GALNT13: variants seen among roughly 807,000 people sequenced by gnomAD.
The protein encoded by GALNT13 is UDP-GalNAc:polypeptide N-acetylgalactosaminyltransferase 13.
GALNT13 carries 28 observed loss-of-function variants against 64.2 expected under a neutral mutation model. The observed-to-expected ratio is 0.44, with a 90% CI of 0.32 to 0.60. The LOEUF (loss-of-function observed/expected upper bound fraction) is 0.60, where lower values mean the gene tolerates loss of function less well. GALNT13 is among the 20% of genes least tolerant of loss of function. GALNT13 has a pLI of 0.05. For missense variants in GALNT13, 577 were observed against 669.8 expected, an observed-to-expected ratio of 0.86 and a Z score of 1.53; for synonymous variants, 214 against 224.6, an observed-to-expected ratio of 0.95 and a Z score of 0.42.
At chr2:154,024,342 A>G (rs13016317) in intron 3 of GALNT13, among the ~76,000 whole-genome samples, 115,975 of 151,612 alleles carry the variant, frequency 0.76, 44,733 homozygotes, top group East Asian at 0.96. Flanking sequence ...CCAATCAGAC[A>G]TAGATTTGGT....
intron 4 of GALNT13, among the ~76,000 whole-genome samples, chr2:154,223,110 A>G (rs958310341): frequency 6.6e-6 from 1 of 152,200 alleles, no homozygotes; most frequent in Admixed American, 6.6e-5. Flanking sequence ...TTTAGCATAT[A>G]AAACTATAAA....
the GALNT13 span, among the ~76,000 whole-genome samples, chr2:153,575,460 T>A: frequency 2.0e-5 from 3 of 152,158 alleles, no homozygotes; most frequent in African/African-American, 7.2e-5. Flanking sequence ...TTCAAGGTGG[T>A]GAGTACCCCA....
the GALNT13 span, among the ~76,000 whole-genome samples, chr2:153,814,743 C>T: frequency 2.0e-5 from 3 of 152,204 alleles, no homozygotes; most frequent in African/African-American, 7.2e-5. Flanking sequence ...GATGCTCCCT[C>T]CAGCCGTTTC....
At chr2:153,387,660 T>C in the GALNT13 span, among the ~76,000 whole-genome samples, 331 of 152,230 alleles carry the variant, frequency 2.2e-3, 2 homozygotes, top group African/African-American at 7.5e-3. Context: ...TTATTTTTAC[T>C]TATAGGAATA....
At chr2:153,199,993 CTTATAT>C in the GALNT13 span, among the ~76,000 whole-genome samples, 1 of 152,112 alleles carries the variant, frequency 6.6e-6, no homozygotes, top group South Asian at 2.1e-4. Flanking sequence ...TCTCAGGAGT[CTTATAT>C]TTTTAGTAAA....
intron 4 of GALNT13, among the ~76,000 whole-genome samples, chr2:154,238,400 A>C (rs566340014): frequency 1.3e-5 from 2 of 152,072 alleles, no homozygotes; most frequent in Non-Finnish European, 2.9e-5. Flanking sequence ...TGTAAGCTCT[A>C]TTTAAGTATT....
chr2:153,096,447 A>G, the GALNT13 span, among the ~76,000 whole-genome samples: 1 of 152,222 alleles, frequency 6.6e-6, no homozygotes, highest in East Asian at 1.9e-4. Context: ...AGATCTGTCC[A>G]GTGCTGAAAG....
intron 3 of GALNT13, among the ~76,000 whole-genome samples, chr2:154,056,327 C>T (rs1211444764): frequency 6.6e-6 from 1 of 152,032 alleles, no homozygotes; most frequent in Non-Finnish European, 1.5e-5. Context: ...TAATATTAGA[C>T]ATCTAGACTT....
In GALNT13 at chr2:154,190,389, C is replaced by A. The variant is rs978975877; in HGVS notation, c.311+49884C>A. ...AGGTATGTAGCTCTCCTTAGAATCA[C>A]AGCACTATGTGATTAACATGCTGGG... On this transcript the variant is annotated intron_variant, in intron 4 of 12. Transcript: ENST00000392825. Among the ~76,000 whole-genome samples, 4 of 152,158 alleles carry A rather than the reference C, an allele frequency of 2.6e-5. No individual in the cohort carries two copies. In the South Asian group the frequency reaches 8.3e-4, roughly 31 times the overall value.
chr2:154,149,092 A>G (rs935109998), intron 4 of GALNT13, among the ~76,000 whole-genome samples: 5 of 152,108 alleles, frequency 3.3e-5, no homozygotes, highest in African/African-American at 1.2e-4. Flanking sequence ...TCCATCTTGC[A>G]TTAATTTTTG....
intron 4 of GALNT13, among the ~76,000 whole-genome samples, chr2:154,206,864 C>T (rs922978548): frequency 6.6e-6 from 1 of 151,634 alleles, no homozygotes; most frequent in African/African-American, 2.4e-5. Context: ...AGAACATGGT[C>T]GTTTCACCAT....
the GALNT13 span, among the ~76,000 whole-genome samples, chr2:153,406,340 T>G: frequency 2.6e-5 from 4 of 152,314 alleles, no homozygotes; most frequent in South Asian, 8.3e-4. Context: ...TATTTATATG[T>G]TTATTAATAG....
Position 154,403,893 on chromosome 2 carries a change from G to T in GALNT13, c.1297-5091G>T, listed in dbSNP as rs528569134. 4.6e-5 allele frequency among the ~76,000 whole-genome samples: 7 copies of T among 152,152 alleles called. 1 individual carries two copies. The highest frequency in any genetic ancestry group is 3.9e-4 in the Admixed American group (6 of 15,274). On this transcript the variant is annotated intron_variant, in intron 10 of 12. Transcript: ENST00000392825. ...CCCAGACTCCATAGAATACCTTTAC[G>T]TTTTGTTTTGGCAAATTAGTTAACC...
chr2:153,574,598 T>C, the GALNT13 span, among the ~76,000 whole-genome samples: 18,698 of 152,130 alleles, frequency 0.12, 1,658 homozygotes, highest in African/African-American at 0.24. Context: ...TCAAGCTCAG[T>C]AGTTCTTTCT....
chr2:154,449,385 T>C (rs1701757598), intron 12 of GALNT13, among the ~76,000 whole-genome samples: 1 of 138,812 alleles, frequency 7.2e-6, no homozygotes, highest in Non-Finnish European at 1.5e-5. Flanking sequence ...GCCCACCCCT[T>C]ACATTTACTT....
chr2:153,566,860 T>C, the GALNT13 span, among the ~76,000 whole-genome samples: 1 of 152,264 alleles, frequency 6.6e-6, no homozygotes, highest in Non-Finnish European at 1.5e-5. Flanking sequence ...GTACTTTTTA[T>C]GTTATGTGTT....
At chr2:154,224,730 A>G (rs145902965) in intron 4 of GALNT13, among the ~76,000 whole-genome samples, 15 of 152,250 alleles carry the variant, frequency 9.9e-5, no homozygotes, top group African/African-American at 3.4e-4. Flanking sequence ...ATAATTTGAC[A>G]CAAATCTCAC....
the GALNT13 span, among the ~76,000 whole-genome samples, chr2:153,602,138 A>G: frequency 1.3e-5 from 2 of 151,946 alleles, no homozygotes; most frequent in African/African-American, 4.8e-5. Flanking sequence ...TGGCTTAGCA[A>G]ACAAAATAGC....
At chr2:153,579,905 A>T in the GALNT13 span, among the ~76,000 whole-genome samples, 1 of 152,264 alleles carries the variant, frequency 6.6e-6, no homozygotes, top group East Asian at 1.9e-4. Context: ...TTCTGTGGAA[A>T]AATTGTCTTC....
Sources: allele counts gnomAD v4.1 joint callset (sites outside exome capture counted in the v4.1 genomes callset), GRCh38; gene constraint gnomAD v4.1.1; transcripts MANE v1.5; gene names NCBI Gene and HGNC (gene_info 2026-07-23, HGNC 2026-07-21).